Variants in SLC16A7 observed in about 807,000 individuals in gnomAD.
The protein encoded by SLC16A7 is solute carrier family 16 member 7.
A neutral mutation model predicts 34.9 loss-of-function variants in SLC16A7; 33 were observed. The ratio of observed to expected loss-of-function variants is 0.94; its 90% CI spans 0.72 to 1.26. The LOEUF (loss-of-function observed/expected upper bound fraction) is 1.26, where lower values mean the gene tolerates loss of function less well. SLC16A7 is among the 50% of genes most tolerant of loss of function. The pLI, the probability that SLC16A7 is intolerant of heterozygous loss-of-function variation, is 0.00. For missense variants in SLC16A7, 573 were observed against 578.1 expected, an observed-to-expected ratio of 0.99 and a Z score of 0.09; for synonymous variants, 201 against 206.6, an observed-to-expected ratio of 0.97 and a Z score of 0.23.
At position 59,779,347 on chromosome 12, in the gene SLC16A7, G is replaced by T. The variant is rs1252828221; in HGVS notation, c.1181-76G>T. ...TTAAATAAGAGGAATATACTTTGAA[G>T]AATAATTTATTTGAATTTTTATCAT... On this transcript the variant is annotated intron_variant, in intron 5 of 5. Transcript: ENST00000547379. 10 of 1,129,326 alleles carry T rather than the reference G, an allele frequency of 8.9e-6. No homozygotes were observed. In the Admixed American group the frequency reaches 1.5e-4, roughly 17 times the overall value. 70.0% of individuals were successfully genotyped at this position (1,129,326 alleles called of 1,614,324 possible).
intron 1 of SLC16A7, among the ~76,000 whole-genome samples, chr12:59,619,127 G>A (rs1024592643): frequency 6.6e-6 from 1 of 151,904 alleles, no homozygotes; most frequent in Non-Finnish European, 1.5e-5. Context: ...GTTTTTATTC[G>A]AATGAACATT....
intron 1 of SLC16A7, among the ~76,000 whole-genome samples, chr12:59,623,304 A>G (rs1222096763): frequency 6.6e-6 from 1 of 151,582 alleles, no homozygotes; most frequent in Non-Finnish European, 1.5e-5. Context: ...TAAATTATAG[A>G]TTAGGGCTTT....
In SLC16A7 at chr12:59,668,107, G is replaced by A. The variant is rs945028285; in HGVS notation, c.-31+12857G>A. Among the ~76,000 whole-genome samples, 3 of 152,232 alleles carry A rather than the reference G, an allele frequency of 2.0e-5. No homozygotes were observed. In the East Asian group the frequency reaches 5.8e-4, roughly 29 times the overall value. On this transcript the variant is annotated intron_variant, in intron 2 of 5. Coordinates refer to ENST00000547379, the MANE Select transcript of SLC16A7 (RefSeq NM_001270623.2). ...GGCACAAGTTTGCTGCAGGGGAGGG[G>A]CCCTCATGGAGAATCTCTGCTAGGG...
chr12:59,598,345 G>A (rs946647530), intron 1 of SLC16A7, among the ~76,000 whole-genome samples: 6 of 152,166 alleles, frequency 3.9e-5, no homozygotes, highest in South Asian at 2.1e-4. Context: ...GAATACAGAC[G>A]GGCTATATTT....
intron 2 of SLC16A7, among the ~76,000 whole-genome samples, chr12:59,693,170 G>A (rs1158008026): frequency 2.0e-5 from 3 of 151,898 alleles, no homozygotes; most frequent in Non-Finnish European, 4.4e-5. Context: ...GGAATTTATA[G>A]TGAAACCAAT....
chr12:59,697,385 GCA>G (rs1385706490), intron 2 of SLC16A7, among the ~76,000 whole-genome samples: 3 of 152,022 alleles, frequency 2.0e-5, no homozygotes, highest in African/African-American at 7.2e-5. Flanking sequence ...GTATGCATGT[GCA>G]CACGCACGTG....
Position 59,612,418 on chromosome 12 carries a change from G to C in SLC16A7, c.-130+16182G>C, listed in dbSNP as rs141335521. 7.5e-3 allele frequency among the ~76,000 whole-genome samples: 1,143 copies of C among 152,210 alleles called. 15 individuals are homozygous for C. Among genetic ancestry groups the C allele is most frequent in the African/African-American group, 0.026 (1,065 of 41,518 alleles). On this transcript the variant is annotated intron_variant, in intron 1 of 5. Transcript: ENST00000547379. ...AGGCTGCATAGAGTGGGGGACCCTG[G>C]GCCCAGACCACAGAACCATTTTTCC...
intron 3 of SLC16A7, among the ~76,000 whole-genome samples, chr12:59,718,286 G>A (rs1197687393): frequency 2.0e-5 from 3 of 152,044 alleles, no homozygotes; most frequent in Non-Finnish European, 2.9e-5. Context: ...TAAGTAAAGA[G>A]CCTGCATACA....
chr12:59,722,136 A>T (rs902732119), intron 3 of SLC16A7, among the ~76,000 whole-genome samples: 1 of 151,956 alleles, frequency 6.6e-6, no homozygotes, highest in Non-Finnish European at 1.5e-5. Context: ...CTTAACAGGC[A>T]TCTCTGACTT....
intron 3 of SLC16A7, among the ~76,000 whole-genome samples, chr12:59,754,830 T>C (rs1045791878): frequency 1.2e-4 from 18 of 152,244 alleles, no homozygotes; most frequent in Non-Finnish European, 1.8e-4. Context: ...ACCAATATCC[T>C]TGATGAACAT....
At chr12:59,613,993 G>GTGT (rs1162403618) in intron 1 of SLC16A7, among the ~76,000 whole-genome samples, 2 of 151,348 alleles carry the variant, frequency 1.3e-5, no homozygotes, top group Non-Finnish European at 1.5e-5. Context: ...ATATACAAAT[G>GTGT]ACAGGTCCAT....
intron 3 of SLC16A7, among the ~76,000 whole-genome samples, chr12:59,750,329 T>C (rs978911603): frequency 1.3e-5 from 2 of 152,180 alleles, no homozygotes; most frequent in African/African-American, 4.8e-5. Flanking sequence ...GACAAAGGGC[T>C]AGTATCCAGA....
chr12:59,618,415 G>A (rs1242254578), intron 1 of SLC16A7, among the ~76,000 whole-genome samples: 8 of 151,748 alleles, frequency 5.3e-5, no homozygotes, highest in Non-Finnish European at 1.2e-4. Context: ...TACAAATAAC[G>A]TTCTATTCAA....
chr12:59,713,124 A>G (rs1379478994), intron 3 of SLC16A7, among the ~76,000 whole-genome samples: 1 of 151,790 alleles, frequency 6.6e-6, no homozygotes, highest in Non-Finnish European at 1.5e-5. Context: ...AGTTCAAGTA[A>G]TTCTCCCTCC....
intron 3 of SLC16A7, among the ~76,000 whole-genome samples, chr12:59,740,898 G>T (rs1212264895): frequency 6.6e-6 from 1 of 152,020 alleles, no homozygotes; most frequent in Non-Finnish European, 1.5e-5. Flanking sequence ...AAAATCACAA[G>T]CATTCTTATA....
chr12:59,722,287 C>A (rs148127204), intron 3 of SLC16A7, among the ~76,000 whole-genome samples: 2 of 152,036 alleles, frequency 1.3e-5, no homozygotes, highest in East Asian at 3.9e-4. Context: ...GTTCTGCCTT[C>A]TAAATAAATC....
Position 59,622,188 on chromosome 12 carries a change from T to C in SLC16A7, c.-130+25952T>C, listed in dbSNP as rs541878221. ...CATTAGAAGTATCTATTTAATAACATGTTCAAACATTATTCTCAACCTACT... is the reference window on the plus strand; with the variant it reads ...CATTAGAAGTATCTATTTAATAACACGTTCAAACATTATTCTCAACCTACT... On this transcript the variant is annotated intron_variant, in intron 1 of 5. Transcript: ENST00000547379. Among the ~76,000 whole-genome samples, 9 of 152,006 alleles carry C rather than the reference T, an allele frequency of 5.9e-5. No homozygotes were observed. The South Asian group carries it at 1.5e-3, about 24-fold the overall frequency.
In SLC16A7 at chr12:59,774,640, T is replaced by A. The variant is rs1338241930; in HGVS notation, c.362-17T>A. The stretch of plus-strand genomic sequence containing the variant: ...ATGTGTTTGTGTTTTCCCCCACTTT[T>A]GTTTTGTTCTTTTTAGGTTTAGGTT... On this transcript the variant is annotated splice_polypyrimidine_tract_variant and intron_variant, in intron 4 of 5. Transcript: ENST00000547379. 2 of 1,493,570 alleles carry A rather than the reference T, an allele frequency of 1.3e-6. No homozygotes were observed. The highest frequency in any genetic ancestry group is 4.6e-5 in the East Asian group (2 of 43,940). The allele number at this position is 1,493,570 out of a possible 1,614,324, so 92.5% of individuals were successfully genotyped here. A position where few individuals can be genotyped will look rare whatever the true frequency, so the allele number is the denominator to read the frequency against.
rs1883856948 is a variant in SLC16A7, at chr12:59,789,642, T to C, written c.*9963T>C. ...AAAATCAGAATCTCTCTTGTCTGAA[T>C]TATGCAGTTTAACCCTGTCCATGTT... On this transcript the variant is annotated 3_prime_UTR_variant, in exon 6 of 6. Coordinates refer to ENST00000547379, the MANE Select transcript of SLC16A7 (RefSeq NM_001270623.2). 1 of 152,120 alleles carries C rather than the reference T, an allele frequency of 6.6e-6. No individual in the cohort carries two copies. The highest frequency in any genetic ancestry group is 2.1e-4 in the South Asian group (1 of 4,826). The allele number at this position is 152,120 out of a possible 1,614,324, so 9.4% of individuals were successfully genotyped here. A position where few individuals can be genotyped will look rare whatever the true frequency, so the allele number is the denominator to read the frequency against.
Sources: allele counts gnomAD v4.1 joint callset (sites outside exome capture counted in the v4.1 genomes callset), GRCh38; gene constraint gnomAD v4.1.1; transcripts MANE v1.5; gene names NCBI Gene and HGNC (gene_info 2026-07-23, HGNC 2026-07-21).